The following SPMIP1 variants were observed in gnomAD, a reference collection of about 807,000 sequenced individuals.
SPMIP1 encodes the protein sperm microtubule inner protein 1, also known as protein SPMIP1.
At chr7:128,870,986 G>C in the SPMIP1 span, 1 of 152,300 alleles carries the variant, frequency 6.6e-6, no homozygotes, top group African/African-American at 2.4e-5. Context: ...CCTGGTAGTG[G>C]GGTTGAGCTC....
At chr7:128,867,471 T>C in the SPMIP1 span, among the ~76,000 whole-genome samples, 1 of 152,196 alleles carries the variant, frequency 6.6e-6, no homozygotes, top group Admixed American at 6.5e-5. Context: ...TGTTTGGCTA[T>C]GTTATGCTTG....
chr7:128,866,976 G>A, the SPMIP1 span: 2 of 838,722 alleles, frequency 2.4e-6, no homozygotes, highest in East Asian at 2.7e-5. Context: ...CTAGGGAGTG[G>A]CGGTGGGCAG....
At chr7:128,869,841 C>A in the SPMIP1 span, 1 of 152,438 alleles carries the variant, frequency 6.6e-6, no homozygotes, top group African/African-American at 2.4e-5. Context: ...CCAAGCCTGG[C>A]CCACCTCCTG....
the SPMIP1 span, chr7:128,866,372 G>A: frequency 1.3e-6 from 2 of 1,482,258 alleles, no homozygotes; most frequent in Non-Finnish European, 1.8e-6. Flanking sequence ...TCACCCCTCA[G>A]CTGTGGCCAC....
At chr7:128,872,017 G>A in the SPMIP1 span, 1 of 152,208 alleles carries the variant, frequency 6.6e-6, no homozygotes, top group Non-Finnish European at 1.5e-5. Context: ...AAAAGCTTAT[G>A]GCTTTGCTAG....
chr7:128,868,705 G>A, the SPMIP1 span: 1 of 1,535,948 alleles, frequency 6.5e-7, no homozygotes, highest in South Asian at 1.2e-5. Flanking sequence ...TGCAAGATGT[G>A]CCGCATTGAG....
the SPMIP1 span, chr7:128,866,951 A>G: frequency 4.1e-6 from 4 of 969,448 alleles, no homozygotes; most frequent in African/African-American, 3.3e-5. Flanking sequence ...AGAAGTGTCG[A>G]CACGTTCCAC....
At chr7:128,870,518 G>T in the SPMIP1 span, 1 of 129,068 alleles carries the variant, frequency 7.7e-6, no homozygotes, top group Non-Finnish European at 1.5e-5. Flanking sequence ...GATCCTGAGG[G>T]TCCTCCTCTC....
At chr7:128,872,011 G>C in the SPMIP1 span, 1 of 152,218 alleles carries the variant, frequency 6.6e-6, no homozygotes, top group Non-Finnish European at 1.5e-5. Flanking sequence ...ACAATAAAAA[G>C]CTTATGGCTT....
At chr7:128,866,656 C>A in the SPMIP1 span, 1 of 1,535,250 alleles carries the variant, frequency 6.5e-7, no homozygotes, top group Middle Eastern at 1.7e-4. Context: ...CCCAGAGGCG[C>A]CTTTTCAGTC....
the SPMIP1 span, chr7:128,870,472 C>T: frequency 6.6e-6 from 1 of 152,262 alleles, no homozygotes; most frequent in Non-Finnish European, 1.5e-5. Context: ...CCCCAGGAGG[C>T]CTCGGCTCTC....
the SPMIP1 span, among the ~76,000 whole-genome samples, chr7:128,868,428 T>A: frequency 3.3e-5 from 5 of 152,182 alleles, no homozygotes; most frequent in African/African-American, 1.2e-4. Flanking sequence ...CCCCCCTCCC[T>A]GCAGGTAGAG....
the SPMIP1 span, chr7:128,871,061 T>G: frequency 6.6e-6 from 1 of 152,388 alleles, no homozygotes; most frequent in African/African-American, 2.4e-5. Context: ...TCATGCACAG[T>G]TCACCTAGAC....
chr7:128,868,758 C>CGAGACCTGGCCCTCT, the SPMIP1 span: 2 of 1,534,920 alleles, frequency 1.3e-6, no homozygotes, highest in East Asian at 2.4e-5. Context: ...GCTTGATCCC[C>CGAGACCTGGCCCTCT]GAGACCTGGC....
At chr7:128,871,815 A>G in the SPMIP1 span, 1 of 152,250 alleles carries the variant, frequency 6.6e-6, no homozygotes, top group Non-Finnish European at 1.5e-5. Flanking sequence ...ACAAACTGCA[A>G]AAACAATCTC....
chr7:128,868,545 C>T, the SPMIP1 span: 1 of 565,740 alleles, frequency 1.8e-6, no homozygotes, highest in South Asian at 2.6e-5. Flanking sequence ...CTTTCTATTT[C>T]TTCCCACAAA....
the SPMIP1 span, chr7:128,866,458 G>A: frequency 5.2e-6 from 8 of 1,535,832 alleles, no homozygotes; most frequent in Middle Eastern, 6.7e-4. Flanking sequence ...CTTCTGGAAG[G>A]AGGAATATCT....
At chr7:128,871,820 A>C in the SPMIP1 span, 1 of 152,238 alleles carries the variant, frequency 6.6e-6, no homozygotes, top group East Asian at 1.9e-4. Context: ...CTGCAAAAAC[A>C]ATCTCCAACC....
the SPMIP1 span, chr7:128,866,946 T>C: frequency 9.8e-7 from 1 of 1,018,596 alleles, no homozygotes; most frequent in Non-Finnish European, 1.4e-6. Context: ...GGCCAAGAAG[T>C]GTCGACACGT....
Sources: allele counts gnomAD v4.1 joint callset (sites outside exome capture counted in the v4.1 genomes callset), GRCh38; gene constraint gnomAD v4.1.1; transcripts MANE v1.5; gene names NCBI Gene and HGNC (gene_info 2026-07-23, HGNC 2026-07-21).